Variants in MAGEB10 observed in about 807,000 individuals in gnomAD.
MAGEB10 encodes the protein melanoma-associated antigen B10.
For missense variants in MAGEB10, 190 were observed against 261.9 expected, an observed-to-expected ratio of 0.73 and a Z score of 1.89; for synonymous variants, 99 against 101.0, an observed-to-expected ratio of 0.98 and a Z score of 0.12.
Position 27,821,506 on chromosome X carries a change from C to T in MAGEB10, c.200C>T (p.Ala67Val), listed in dbSNP as rs773427238. The T allele has an allele frequency of 8.3e-7, 1 of 1,210,972 alleles. No individual in the cohort carries two copies. The highest frequency in any genetic ancestry group is 1.8e-5 in the South Asian group (1 of 56,855). ...AACAATCCCCATGGACTTCGGGAAG[C>T]CCAATCCACCAGCACATCTGCTACA... ...ASNNPHGLRE[A>V]QSTSTSATAA... Residue 67 changes from alanine to valine, a missense_variant, in exon 3 of 3, where the codon GCC (alanine) becomes GTC (valine). By Grantham distance (64) the Ala-to-Val change is moderately conservative. Coordinates refer to ENST00000356790, the MANE Select transcript of MAGEB10 (RefSeq NM_182506.3).
intron 1 of MAGEB10, among the ~76,000 whole-genome samples, chrX:27,814,413 A>C (rs1417139376): frequency 9.0e-6 from 1 of 111,610 alleles, no homozygotes; most frequent in South Asian, 3.8e-4. Flanking sequence ...CTTGAATCCA[A>C]CTGGGGAAGA....
chrX:27,813,588 T>C (rs754912552), intron 1 of MAGEB10, among the ~76,000 whole-genome samples: 1 of 111,767 alleles, frequency 8.9e-6, no homozygotes, highest in South Asian at 3.7e-4. Flanking sequence ...GATGGTGAGA[T>C]ATACCCTAAG....
At chrX:27,809,357 C>T (rs1168823642) in intron 1 of MAGEB10, among the ~76,000 whole-genome samples, 9 of 95,853 alleles carry the variant, frequency 9.4e-5, no homozygotes, top group East Asian at 3.5e-4. Flanking sequence ...ACCTGCAGCC[C>T]GCCATTCCTG....
At chrX:27,810,291 C>G (rs1033456308) in intron 1 of MAGEB10, among the ~76,000 whole-genome samples, 1 of 111,842 alleles carries the variant, frequency 8.9e-6, no homozygotes, top group Non-Finnish European at 1.9e-5. Flanking sequence ...AGTGAGACCA[C>G]GAACCCACCA....
At chrX:27,808,444 TCA>T (rs1412669851) in intron 1 of MAGEB10, among the ~76,000 whole-genome samples, 2 of 111,767 alleles carry the variant, frequency 1.8e-5, no homozygotes, top group Non-Finnish European at 3.8e-5. Context: ...TGCCCGGATG[TCA>T]CACACACTTC....
At chrX:27,809,386 AACCCCGCCAGCCCCCTCC>A (rs1923614065) in intron 1 of MAGEB10, among the ~76,000 whole-genome samples, 9 of 8,863 alleles carry the variant, frequency 1.0e-3, no homozygotes, top group African/African-American at 4.5e-3. Context: ...CCACCCCCCC[AACCCCGCCAGCCCCCTCC>A]AACCCCGCCA....
At chrX:27,816,155 C>T (rs1602864058) in intron 1 of MAGEB10, among the ~76,000 whole-genome samples, 1 of 110,690 alleles carries the variant, frequency 9.0e-6, no homozygotes, top group South Asian at 3.8e-4. Context: ...GGAGAAACTT[C>T]TCTGCTTGTA....
chrX:27,817,993 G>C (rs1366984924), intron 2 of MAGEB10, among the ~76,000 whole-genome samples: 1 of 110,701 alleles, frequency 9.0e-6, no homozygotes, highest in Non-Finnish European at 1.9e-5. Flanking sequence ...AGTTCAGCGT[G>C]GGGTAGCAAT....
chrX:27,815,367 A>G (rs973481543), intron 1 of MAGEB10, among the ~76,000 whole-genome samples: 1 of 112,448 alleles, frequency 8.9e-6, no homozygotes, highest in South Asian at 3.7e-4. Context: ...TTACTTTGGC[A>G]GTGAACACTA....
intron 1 of MAGEB10, among the ~76,000 whole-genome samples, chrX:27,814,399 G>A (rs768921841): frequency 9.0e-6 from 1 of 111,504 alleles, no homozygotes; most frequent in East Asian, 2.8e-4. Context: ...TAAATTATAG[G>A]AGTCTTGAAT....
At chrX:27,820,817 T>C (rs1253998270) in intron 2 of MAGEB10, among the ~76,000 whole-genome samples, 1 of 111,291 alleles carries the variant, frequency 9.0e-6, no homozygotes, top group Non-Finnish European at 1.9e-5. Context: ...ATTGTAGTCA[T>C]CCTGGATGTC....
chrX:27,808,665 G>A (rs1363191495), intron 1 of MAGEB10, among the ~76,000 whole-genome samples: 5 of 111,471 alleles, frequency 4.5e-5, no homozygotes, highest in East Asian at 2.9e-4. Context: ...CTTGGGTATC[G>A]CACTCTGCAT....
chrX:27,808,399 G>A (rs918133560), intron 1 of MAGEB10, among the ~76,000 whole-genome samples: 1 of 112,345 alleles, frequency 8.9e-6, no homozygotes, highest in Non-Finnish European at 1.9e-5. Flanking sequence ...ACGCCACACC[G>A]CCCTTGCTGG....
At chrX:27,816,443 C>T (rs1008682588) in intron 1 of MAGEB10, among the ~76,000 whole-genome samples, 4 of 111,445 alleles carry the variant, frequency 3.6e-5, no homozygotes, top group East Asian at 5.7e-4. Flanking sequence ...TCTGTATCTG[C>T]GCCAAGGGAA....
chrX:27,819,915 T>C (rs1157959951), intron 2 of MAGEB10, among the ~76,000 whole-genome samples: 1 of 109,922 alleles, frequency 9.1e-6, no homozygotes, highest in Non-Finnish European at 1.9e-5. Flanking sequence ...TGCTAGGAGG[T>C]AAGATAAAGA....
chrX:27,811,522 G>A (rs1314676821), intron 1 of MAGEB10, among the ~76,000 whole-genome samples: 3 of 111,340 alleles, frequency 2.7e-5, no homozygotes, highest in Non-Finnish European at 5.7e-5. Context: ...CCTGCCAGAA[G>A]TCAAGGTGAT....
intron 1 of MAGEB10, among the ~76,000 whole-genome samples, chrX:27,814,842 C>G (rs1923752380): frequency 8.9e-6 from 1 of 112,241 alleles, no homozygotes; most frequent in Non-Finnish European, 1.9e-5. Flanking sequence ...TGCACTCCTT[C>G]CTGCATGAAG....
chrX:27,811,959 G>A (rs779877008), intron 1 of MAGEB10: 1 of 132,731 alleles, frequency 7.5e-6, no homozygotes, highest in Admixed American at 8.2e-5. Flanking sequence ...CAAGGACGTG[G>A]AAGGTGCTCA....
At chrX:27,811,346 TAA>T (rs1569211553) in intron 1 of MAGEB10, among the ~76,000 whole-genome samples, 1 of 110,785 alleles carries the variant, frequency 9.0e-6, no homozygotes, top group Non-Finnish European at 1.9e-5. Context: ...TACCTCAAGA[TAA>T]AGAGGGTCTC....
Sources: allele counts gnomAD v4.1 joint callset (sites outside exome capture counted in the v4.1 genomes callset), GRCh38; gene constraint gnomAD v4.1.1; transcripts MANE v1.5; gene names NCBI Gene and HGNC (gene_info 2026-07-23, HGNC 2026-07-21).